EEFSEC: variants seen among roughly 807,000 people sequenced by gnomAD.
EEFSEC encodes selenocysteine-specific elongation factor.
In EEFSEC, 43 loss-of-function variants were observed where a neutral mutation model predicts 42.1. The observed-to-expected ratio is 1.02, with a 90% CI of 0.80 to 1.32. The LOEUF (loss-of-function observed/expected upper bound fraction) is 1.32. Among genes scored for constraint, EEFSEC ranks in the 40% most tolerant of loss-of-function variants. The probability of loss-of-function intolerance (pLI) is 0.00; values close to 1 mark genes in which losing one functional copy is unlikely to be tolerated. For synonymous variants in EEFSEC, 354 were observed against 339.1 expected (o/e 1.04, Z -0.48); for missense variants, 745 against 803.6 (o/e 0.93, Z 0.88).
intron 4 of EEFSEC, among the ~76,000 whole-genome samples, chr3:128,336,532 C>T (rs1251266994): frequency 6.6e-6 from 1 of 152,178 alleles, no homozygotes; most frequent in African/African-American, 2.4e-5. Context: ...CCCTGGACCA[C>T]CGCACCTCAG....
At chr3:128,423,332 G>A in the EEFSEC span, among the ~76,000 whole-genome samples, 1 of 152,144 alleles carries the variant, frequency 6.6e-6, no homozygotes, top group East Asian at 1.9e-4. Flanking sequence ...AAGGAATGAA[G>A]GCCAGGTGCA....
At chr3:128,169,300 C>T (rs2065271009) in intron 1 of EEFSEC, among the ~76,000 whole-genome samples, 1 of 152,172 alleles carries the variant, frequency 6.6e-6, no homozygotes, top group African/African-American at 2.4e-5. Flanking sequence ...GGTCCTGAGG[C>T]TGGACATCTC....
the EEFSEC span, among the ~76,000 whole-genome samples, chr3:128,421,853 C>T: frequency 6.6e-6 from 1 of 152,210 alleles, no homozygotes; most frequent in Admixed American, 6.5e-5. Context: ...TACCCTGGAG[C>T]TGGGCTGGGC....
intron 1 of EEFSEC, among the ~76,000 whole-genome samples, chr3:128,193,825 C>T (rs926139978): frequency 7.2e-5 from 11 of 152,192 alleles, no homozygotes; most frequent in African/African-American, 2.7e-4. Context: ...TGCCTTCCTC[C>T]CTCCAGAGGA....
intron 1 of EEFSEC, among the ~76,000 whole-genome samples, chr3:128,223,786 G>A (rs1309788462): frequency 4.6e-5 from 7 of 152,154 alleles, no homozygotes; most frequent in Non-Finnish European, 8.8e-5. Context: ...GCCCATGTGC[G>A]TGCATGTTGT....
intron 4 of EEFSEC, among the ~76,000 whole-genome samples, chr3:128,338,304 G>C (rs1230833102): frequency 2.0e-5 from 3 of 152,214 alleles, no homozygotes; most frequent in Non-Finnish European, 2.9e-5. Context: ...GCTGGGGCAG[G>C]TGGGAATGCT....
At chr3:128,208,089 G>A (rs995140370) in intron 1 of EEFSEC, among the ~76,000 whole-genome samples, 6 of 152,112 alleles carry the variant, frequency 3.9e-5, no homozygotes, top group Non-Finnish European at 7.3e-5. Context: ...GTACTGCTAC[G>A]GAAACTACAG....
intron 6 of EEFSEC, among the ~76,000 whole-genome samples, chr3:128,395,955 C>T (rs2067976496): frequency 6.6e-6 from 1 of 152,240 alleles, no homozygotes; most frequent in Non-Finnish European, 1.5e-5. Flanking sequence ...GCTGTGTCAC[C>T]AAGCCTGGTG....
intron 5 of EEFSEC, among the ~76,000 whole-genome samples, chr3:128,345,436 G>A (rs1046146474): frequency 3.9e-5 from 6 of 152,168 alleles, no homozygotes; most frequent in Non-Finnish European, 8.8e-5. Context: ...GTTATCCAGC[G>A]CAGGGGCCAG....
At chr3:128,297,356 T>G (rs1296686820) in intron 4 of EEFSEC, among the ~76,000 whole-genome samples, 2 of 152,160 alleles carry the variant, frequency 1.3e-5, no homozygotes, top group South Asian at 2.1e-4. Flanking sequence ...CAGTGCCCCT[T>G]TCTTTATTTG....
chr3:128,325,262 G>A (rs965619002), intron 4 of EEFSEC, among the ~76,000 whole-genome samples: 1 of 152,248 alleles, frequency 6.6e-6, no homozygotes, highest in African/African-American at 2.4e-5. Context: ...GTTGTCTTTT[G>A]TGACAGCTTC....
At chr3:128,220,272 T>A (rs1202502360) in intron 1 of EEFSEC, among the ~76,000 whole-genome samples, 4 of 152,220 alleles carry the variant, frequency 2.6e-5, no homozygotes, top group Admixed American at 2.6e-4. Context: ...TGGAGTTAAA[T>A]GAATTGAACA....
At chr3:128,262,742 C>A (rs1192998934) in intron 3 of EEFSEC, among the ~76,000 whole-genome samples, 3 of 152,202 alleles carry the variant, frequency 2.0e-5, no homozygotes, top group African/African-American at 7.2e-5. Context: ...GGGGCTGAGG[C>A]CCAGGTTGTT....
At chr3:128,209,125 G>C (rs2065729857) in intron 1 of EEFSEC, among the ~76,000 whole-genome samples, 2 of 152,204 alleles carry the variant, frequency 1.3e-5, no homozygotes, top group Admixed American at 1.3e-4. Flanking sequence ...TGTTAATGTG[G>C]GGAAAGAAGA....
chr3:128,305,493 A>G (rs2066816721), intron 4 of EEFSEC, among the ~76,000 whole-genome samples: 1 of 152,148 alleles, frequency 6.6e-6, no homozygotes, highest in East Asian at 1.9e-4. Flanking sequence ...TCTGAATTTG[A>G]TACTTTTTGG....
chr3:128,409,117 C>G (rs58664250), downstream of EEFSEC, among the ~76,000 whole-genome samples: 132 of 152,344 alleles, frequency 8.7e-4, no homozygotes, highest in African/African-American at 3.1e-3. Context: ...TAGCCCCAGG[C>G]TGTGGGATAC....
chr3:128,210,747 G>A (rs2065747687), intron 1 of EEFSEC, among the ~76,000 whole-genome samples: 1 of 152,192 alleles, frequency 6.6e-6, no homozygotes, highest in South Asian at 2.1e-4. Context: ...TCATGACATT[G>A]AGCATTCTTG....
chr3:128,221,321 T>G (rs1371263746), intron 1 of EEFSEC, among the ~76,000 whole-genome samples: 2 of 152,222 alleles, frequency 1.3e-5, no homozygotes, highest in Non-Finnish European at 2.9e-5. Context: ...TGGAAGCCAG[T>G]TAGTTCCAGG....
At chr3:128,294,779 A>G (rs1199540518) in intron 4 of EEFSEC, among the ~76,000 whole-genome samples, 1 of 152,200 alleles carries the variant, frequency 6.6e-6, no homozygotes, top group Non-Finnish European at 1.5e-5. Context: ...ATATGCAAGG[A>G]TTGGAAGATG....
Sources: allele counts gnomAD v4.1 joint callset (sites outside exome capture counted in the v4.1 genomes callset), GRCh38; gene constraint gnomAD v4.1.1; transcripts MANE v1.5; gene names NCBI Gene and HGNC (gene_info 2026-07-23, HGNC 2026-07-21).